MAPK8IP3: variants seen among roughly 807,000 people sequenced by gnomAD.
The protein encoded by MAPK8IP3 is mitogen-activated protein kinase 8 interacting protein 3, also known as C-Jun-amino-terminal kinase-interacting protein 3.
MAPK8IP3 carries 49 observed loss-of-function variants against 157.8 expected under a neutral mutation model. That is an observed-to-expected ratio of 0.31 (90% CI 0.25 to 0.39). MAPK8IP3 has a LOEUF of 0.39. MAPK8IP3 is among the 10% of genes least tolerant of loss of function. The pLI is 1.00. For missense variants in MAPK8IP3, 1,478 were observed against 1,889.4 expected (o/e 0.78, Z 4.04); for synonymous variants, 897 against 777.7 (o/e 1.15, Z -2.55).
chr16:1,737,888 A>G (rs1376110681), intron 4 of MAPK8IP3, among the ~76,000 whole-genome samples: 249 of 38,414 alleles, frequency 6.5e-3, no homozygotes, highest in East Asian at 0.014. Context: ...CCGTGTGAGC[A>G]TCCGTGTGAG....
At chr16:1,725,004 C>T (rs997901788) in intron 2 of MAPK8IP3, among the ~76,000 whole-genome samples, 3 of 152,256 alleles carry the variant, frequency 2.0e-5, no homozygotes, top group Middle Eastern at 3.4e-3. Flanking sequence ...GGGTCCCCAC[C>T]TCTTCACACT....
chr16:1,729,401 A>G, intron 3 of MAPK8IP3, 86 bp from the exon 4 acceptor site: 3 of 1,382,346 alleles, frequency 2.2e-6, no homozygotes, highest in Non-Finnish European at 3.0e-6. Context: ...CTGCCTGCAC[A>G]GGGCAGCCGG....
chr16:1,743,455 G>T lies in MAPK8IP3; in HGVS notation c.726G>T (p.Leu242=). 6.2e-7 allele frequency: 1 copy of T among 1,609,808 alleles called. No homozygotes were observed. The highest frequency in any genetic ancestry group is 1.1e-5 in the South Asian group (1 of 90,658). ...GGCACCTGAGTGACCTCGGCCAGCT[G>T]CAGTCCAGCTCCAGCTACCAGGTTT... ...DHWHLSDLGQ[L]QSSSSYQCPQ... Residue 242 remains leucine (L), a synonymous_variant, in exon 5 of 32, where the codon CTG becomes CTT. Transcript: ENST00000610761. This position sits in a 1 kb window ranked among gnomAD's most constrained non-coding sequence, Gnocchi z 5.6.
At chr16:1,718,929 C>T (rs759908761) in intron 1 of MAPK8IP3, among the ~76,000 whole-genome samples, 5 of 152,252 alleles carry the variant, frequency 3.3e-5, no homozygotes, top group East Asian at 3.9e-4. Flanking sequence ...AGGGGCTGGG[C>T]GAGGTGGCTC....
intron 8 of MAPK8IP3, among the ~76,000 whole-genome samples, chr16:1,756,623 AACACACACACAC>A (rs60461442): frequency 0.09 from 12,172 of 135,666 alleles, 546 homozygotes; most frequent in African/African-American, 0.11. Flanking sequence ...TTTTTACTAA[AACACACACACAC>A]ACACACACAC....
chr16:1,739,502 G>C (rs2040466476), intron 4 of MAPK8IP3, among the ~76,000 whole-genome samples: 1 of 134,998 alleles, frequency 7.4e-6, no homozygotes, highest in Non-Finnish European at 1.6e-5. Flanking sequence ...GACCGTTCGT[G>C]TGAGTGTGTG....
At position 1,766,752 on chromosome 16, in the gene MAPK8IP3, GGAA is replaced by G; in HGVS notation, c.2974_2976del (p.Lys992del). On this transcript the variant is annotated inframe_deletion, in exon 24 of 32. Coordinates refer to ENST00000610761, the MANE Select transcript of MAPK8IP3 (RefSeq NM_001318852.2). ...TATGTGCACTCGGCTGTGGCCAACT[GGAA>G]GAAGTGCCTGCACTCCATCAAGCTG... The G allele has an allele frequency of 6.2e-7, 1 of 1,612,880 alleles. No individual in the cohort carries two copies. Among genetic ancestry groups the G allele is most frequent in the Non-Finnish European group, 8.5e-7 (1 of 1,179,934 alleles).
intron 19 of MAPK8IP3, 44 bp downstream of exon 19, chr16:1,764,503 T>G: frequency 6.3e-7 from 1 of 1,586,194 alleles, no homozygotes. Flanking sequence ...TGGCTTAGTC[T>G]CAGGACAGCT....
chr16:1,765,154 G>A lies in MAPK8IP3; in HGVS notation c.2422G>A (p.Val808Met), dbSNP rs759549086. 1 of 1,602,494 alleles carries A rather than the reference G, an allele frequency of 6.2e-7. No homozygotes were observed. Among genetic ancestry groups the A allele is most frequent in the Non-Finnish European group, 8.5e-7 (1 of 1,171,528 alleles). ...CCAGTTCACCGTCTGCAACGCGCAC[G>A]TGCTGTGCATCTCCAGCATCCCCGG... ...VDQFTVCNAH[V>M]LCISSIPAAS... Residue 808 changes from valine to methionine, a missense_variant, in exon 20 of 32, where the codon GTG becomes ATG. This residue lies in a region of MAPK8IP3 where 669 missense variants were observed against 759.8 expected (regional missense o/e 0.88). Transcript: ENST00000610761.
chr16:1,708,492 G>A (rs1352356392), intron 1 of MAPK8IP3, among the ~76,000 whole-genome samples: 3 of 152,244 alleles, frequency 2.0e-5, no homozygotes, highest in African/African-American at 7.2e-5. Context: ...AGAAAATCAA[G>A]ATGGACAACG....
At chr16:1,729,418 C>T (rs1160592300) in intron 3 of MAPK8IP3, 69 bp from the exon 4 acceptor site, 1 of 1,472,876 alleles carries the variant, frequency 6.8e-7, no homozygotes, top group Non-Finnish European at 9.4e-7. Context: ...CCGGAAAAGC[C>T]TCACAGGTTA....
At chr16:1,758,891 G>A (rs901419395) in intron 9 of MAPK8IP3, 87 bp from the exon 10 acceptor site, 111 of 1,444,304 alleles carry the variant, frequency 7.7e-5, no homozygotes, top group East Asian at 1.8e-4. Flanking sequence ...CTGTCCACAC[G>A]GGCTTAACGC....
chr16:1,728,112 C>G (rs575868880), intron 2 of MAPK8IP3, among the ~76,000 whole-genome samples: 1 of 152,212 alleles, frequency 6.6e-6, no homozygotes, highest in African/African-American at 2.4e-5. Context: ...GCCGGGGGCA[C>G]GCATGCACCA....
chr16:1,744,178 C>T (rs1463635310), intron 5 of MAPK8IP3: 3 of 985,550 alleles, frequency 3.0e-6, no homozygotes, highest in Non-Finnish European at 3.6e-6. Context: ...AGCTCACTGG[C>T]CTCAGTGCCA....
At position 1,736,780 on chromosome 16, in the gene MAPK8IP3, A is replaced by G. The variant is rs111164757; in HGVS notation, c.603-6552A>G. On this transcript the variant is annotated intron_variant, in intron 4 of 31. Transcript: ENST00000610761. ...CATCCGTGTGACCGTCTGTGTGACC[A>G]TCCGTGTGTGACCGTCCGTGTGAGC... is the stretch of plus-strand genomic sequence containing the variant. Among the ~76,000 whole-genome samples the G allele has an allele frequency of 5.9e-3, 163 of 27,816 alleles. 11 individuals carry two copies. The highest frequency in any genetic ancestry group is 0.026 in the African/African-American group (146 of 5,702). 18.2% of individuals were successfully genotyped at this position (27,816 alleles called of 152,430 possible).
intron 8 of MAPK8IP3, among the ~76,000 whole-genome samples, chr16:1,755,145 C>T (rs1053104624): frequency 2.6e-5 from 4 of 152,272 alleles, no homozygotes; most frequent in South Asian, 2.1e-4. Flanking sequence ...ACCTGTGATA[C>T]GAGCTCATGA....
In MAPK8IP3 at chr16:1,768,830, C is replaced by T. The variant is rs749067506; in HGVS notation, c.*6C>T. ...TGTCCTACACCCCCGAGTGAAGCTGCTGCCCTGCCTGGCCCGACCTGTACA... is the reference window on the plus strand; with the variant it reads ...TGTCCTACACCCCCGAGTGAAGCTGTTGCCCTGCCTGGCCCGACCTGTACA... On this transcript the variant is annotated 3_prime_UTR_variant, in exon 32 of 32. Coordinates refer to ENST00000610761, the MANE Select transcript of MAPK8IP3 (RefSeq NM_001318852.2). 2.5e-6 allele frequency: 4 copies of T among 1,611,644 alleles called. No individual in the cohort carries two copies. Among genetic ancestry groups the T allele is most frequent in the South Asian group, 1.1e-5 (1 of 91,064 alleles).
At chr16:1,723,094 G>A (rs1307005428) in intron 1 of MAPK8IP3, among the ~76,000 whole-genome samples, 1 of 151,494 alleles carries the variant, frequency 6.6e-6, no homozygotes, top group African/African-American at 2.4e-5. Context: ...TACAGTGGTG[G>A]GGTGATCTGG....
At chr16:1,717,435 C>T (rs1447137336) in intron 1 of MAPK8IP3, among the ~76,000 whole-genome samples, 3 of 152,144 alleles carry the variant, frequency 2.0e-5, no homozygotes, top group South Asian at 2.1e-4. Flanking sequence ...GACTGAGGAA[C>T]GACACCCATG....
Sources: allele counts gnomAD v4.1 joint callset (sites outside exome capture counted in the v4.1 genomes callset), GRCh38; gene constraint gnomAD v4.1.1; regional missense constraint gnomAD v4.1.1; non-coding constraint Gnocchi (gnomAD v3.1); transcripts MANE v1.5; gene names NCBI Gene and HGNC (gene_info 2026-07-23, HGNC 2026-07-21).